LOC128125817: variants seen among roughly 807,000 people sequenced by gnomAD.
the LOC128125817 span, among the ~76,000 whole-genome samples, chr1:41,592,172 G>A: frequency 6.6e-6 from 1 of 152,174 alleles, no homozygotes; most frequent in African/African-American, 2.4e-5. Context: ...TGGTCTGTGG[G>A]TTTCTTCCAG....
At chr1:41,596,920 C>T in the LOC128125817 span, among the ~76,000 whole-genome samples, 8 of 152,316 alleles carry the variant, frequency 5.3e-5, no homozygotes, top group African/African-American at 1.9e-4. Flanking sequence ...GTCCTCCCTG[C>T]ATGCAAGTCA....
At chr1:41,602,600 AT>A in the LOC128125817 span, among the ~76,000 whole-genome samples, 1 of 151,818 alleles carries the variant, frequency 6.6e-6, no homozygotes, top group Non-Finnish European at 1.5e-5. Context: ...TTAATTTATA[AT>A]TTTATTTATT....
chr1:41,612,601 T>C, the LOC128125817 span, among the ~76,000 whole-genome samples: 3 of 152,176 alleles, frequency 2.0e-5, no homozygotes, highest in Non-Finnish European at 4.4e-5. Flanking sequence ...AGGACTCTGA[T>C]TCTCCGTCCC....
chr1:41,619,472 T>C, the LOC128125817 span, among the ~76,000 whole-genome samples: 9 of 152,196 alleles, frequency 5.9e-5, no homozygotes, highest in Admixed American at 1.3e-4. Flanking sequence ...GTAGTGACGA[T>C]ATGTTTGTCT....
chr1:41,613,332 G>A, the LOC128125817 span, among the ~76,000 whole-genome samples: 3 of 152,206 alleles, frequency 2.0e-5, no homozygotes, highest in East Asian at 1.9e-4. Flanking sequence ...ACTTTGGAAC[G>A]CGTGGGGCGG....
At chr1:41,612,810 G>A in the LOC128125817 span, among the ~76,000 whole-genome samples, 3 of 152,236 alleles carry the variant, frequency 2.0e-5, no homozygotes, top group Non-Finnish European at 2.9e-5. Context: ...GTACCACAGT[G>A]CCAGCCCCTG....
chr1:41,626,320 G>C, the LOC128125817 span, among the ~76,000 whole-genome samples: 1 of 152,238 alleles, frequency 6.6e-6, no homozygotes, highest in Admixed American at 6.5e-5. Context: ...GCAGCACCAA[G>C]TCAGCACCTC....
chr1:41,598,554 G>A, the LOC128125817 span, among the ~76,000 whole-genome samples: 4 of 152,142 alleles, frequency 2.6e-5, no homozygotes, highest in Non-Finnish European at 4.4e-5. Context: ...AGATATAACT[G>A]TATAGTAATG....
chr1:41,607,689 T>C, the LOC128125817 span, among the ~76,000 whole-genome samples: 1 of 152,192 alleles, frequency 6.6e-6, no homozygotes. Context: ...TATTTATGAA[T>C]GAGGGATTAT....
At chr1:41,602,619 C>T in the LOC128125817 span, among the ~76,000 whole-genome samples, 1 of 151,872 alleles carries the variant, frequency 6.6e-6, no homozygotes, top group Non-Finnish European at 1.5e-5. Flanking sequence ...ATTTGAGTCT[C>T]CTCTCTTTTT....
the LOC128125817 span, among the ~76,000 whole-genome samples, chr1:41,618,531 C>T: frequency 5.9e-5 from 9 of 152,310 alleles, no homozygotes; most frequent in Admixed American, 2.0e-4. Flanking sequence ...GCCTGCCATC[C>T]TCGGGCACCA....
At chr1:41,603,961 A>G in the LOC128125817 span, among the ~76,000 whole-genome samples, 3 of 152,238 alleles carry the variant, frequency 2.0e-5, no homozygotes, top group Non-Finnish European at 2.9e-5. Flanking sequence ...CAATTTTGTC[A>G]TTAGGGAAAT....
the LOC128125817 span, among the ~76,000 whole-genome samples, chr1:41,596,533 G>T: frequency 6.6e-6 from 1 of 152,192 alleles, no homozygotes; most frequent in Non-Finnish European, 1.5e-5. Flanking sequence ...CCTCCCCCTG[G>T]CCTGGGCAGG....
At chr1:41,601,297 G>A in the LOC128125817 span, among the ~76,000 whole-genome samples, 1 of 152,130 alleles carries the variant, frequency 6.6e-6, no homozygotes, top group Non-Finnish European at 1.5e-5. Context: ...TAATGTAATT[G>A]AGATTTTTAT....
the LOC128125817 span, among the ~76,000 whole-genome samples, chr1:41,603,005 A>G: frequency 6.6e-6 from 1 of 151,566 alleles, no homozygotes; most frequent in East Asian, 1.9e-4. Context: ...TTTAATTTCC[A>G]CATATTTTTG....
At chr1:41,593,163 T>A in the LOC128125817 span, among the ~76,000 whole-genome samples, 3 of 152,212 alleles carry the variant, frequency 2.0e-5, no homozygotes, top group African/African-American at 7.2e-5. Context: ...AAAAATTACT[T>A]GAAAAATTTT....
At chr1:41,595,406 C>A in the LOC128125817 span, among the ~76,000 whole-genome samples, 4 of 152,182 alleles carry the variant, frequency 2.6e-5, no homozygotes, top group African/African-American at 9.7e-5. Flanking sequence ...CTCTCTCCAT[C>A]CTGCTCTTAC....
the LOC128125817 span, among the ~76,000 whole-genome samples, chr1:41,604,527 T>C: frequency 6.6e-6 from 1 of 152,126 alleles, no homozygotes; most frequent in Non-Finnish European, 1.5e-5. Context: ...TCCTCCCTAG[T>C]GAATGGGATT....
chr1:41,590,135 G>A, the LOC128125817 span, among the ~76,000 whole-genome samples: 1 of 152,228 alleles, frequency 6.6e-6, no homozygotes, highest in Non-Finnish European at 1.5e-5. Context: ...TGTGGGCTCA[G>A]GTGGTGGCAA....
Sources: gnomAD v4.1 joint callset for allele counts (sites outside exome capture counted in the v4.1 genomes callset) on GRCh38, gnomAD v4.1.1 for gene constraint, MANE v1.5 for transcripts.